Variants in MAN2A1 observed in about 807,000 individuals in gnomAD.
The protein encoded by MAN2A1 is alpha-mannosidase 2.
Under a neutral mutation model 142.6 loss-of-function variants are expected in MAN2A1, and 76 were observed. The ratio of observed to expected loss-of-function variants is 0.53; its 90% CI spans 0.44 to 0.65. The LOEUF (loss-of-function observed/expected upper bound fraction) is 0.65, where lower values mean the gene tolerates loss of function less well. MAN2A1 is among the 30% of genes least tolerant of loss of function. MAN2A1 has a pLI of 0.00. For synonymous variants in MAN2A1, 559 were observed against 473.2 expected (o/e 1.18, Z -2.35); for missense variants, 1,311 against 1,365.1 (o/e 0.96, Z 0.62).
chr5:109,861,373 G>T (rs1363721487), intron 20 of MAN2A1, among the ~76,000 whole-genome samples: 1 of 152,166 alleles, frequency 6.6e-6, no homozygotes, highest in African/African-American at 2.4e-5. Context: ...AAATCTTGAT[G>T]TCACTTTGAC....
At chr5:109,786,780 A>T (rs1456780589) in intron 10 of MAN2A1, among the ~76,000 whole-genome samples, 4 of 152,024 alleles carry the variant, frequency 2.6e-5, no homozygotes. Context: ...CAGAAATATC[A>T]CTGTGAACAA....
chr5:109,701,074 T>C (rs1299632595), intron 1 of MAN2A1, among the ~76,000 whole-genome samples: 3 of 152,222 alleles, frequency 2.0e-5, no homozygotes, highest in African/African-American at 7.2e-5. Flanking sequence ...CAGAGATTTG[T>C]AGCATACCTA....
At chr5:109,748,081 A>AT (rs1752452695) in intron 4 of MAN2A1, among the ~76,000 whole-genome samples, 1 of 152,144 alleles carries the variant, frequency 6.6e-6, no homozygotes, top group Non-Finnish European at 1.5e-5. Flanking sequence ...TTGGTAATAT[A>AT]TTTAGTGTAT....
intron 12 of MAN2A1, among the ~76,000 whole-genome samples, chr5:109,806,443 A>T (rs567358369): frequency 6.6e-6 from 1 of 152,322 alleles, no homozygotes; most frequent in South Asian, 2.1e-4. Flanking sequence ...AGATTACCAT[A>T]ACATCTGAAA....
chr5:109,771,998 G>A (rs1753158831), intron 7 of MAN2A1, among the ~76,000 whole-genome samples: 2 of 152,184 alleles, frequency 1.3e-5, no homozygotes, highest in African/African-American at 4.8e-5. Flanking sequence ...CCCTCAGGAT[G>A]ATACCTTGTG....
chr5:109,753,127 A>G (rs1474848964), intron 4 of MAN2A1, among the ~76,000 whole-genome samples: 1 of 152,092 alleles, frequency 6.6e-6, no homozygotes, highest in Non-Finnish European at 1.5e-5. Context: ...TTTCCAAAAG[A>G]TCTATTTATT....
chr5:109,717,931 C>T (rs375803147), intron 3 of MAN2A1, among the ~76,000 whole-genome samples: 232 of 152,300 alleles, frequency 1.5e-3, no homozygotes, highest in African/African-American at 5.3e-3. Flanking sequence ...ATGAAAAACA[C>T]GTATCTTTGA....
chr5:109,781,427 A>G lies in MAN2A1; in HGVS notation c.1406A>G (p.Asp469Gly), dbSNP rs753702587. ...IQFGTLSDFF[D>G]ALDKADETQR... The stretch of plus-strand genomic sequence containing the variant: ...TTTGGAACTTTATCAGATTTTTTTG[A>G]TGCGCTGGATAAAGCAGATGAAACT... The change falls in exon 9 of 22, where the codon GAT becomes GGT. Residue 469 changes from aspartate to glycine, a missense_variant. By Grantham distance (94) the Asp-to-Gly change is moderately conservative. Around this residue, in one of 3 missense-constraint regions of MAN2A1, gnomAD observed 890 missense variants for 920.5 expected, o/e 0.97. Transcript: ENST00000261483. 4.4e-6 allele frequency: 7 copies of G among 1,604,018 alleles called. No homozygotes were observed. The highest frequency in any genetic ancestry group is 5.1e-6 in the Non-Finnish European group (6 of 1,177,430).
At chr5:109,856,783 G>A (rs1011625020) in intron 20 of MAN2A1, among the ~76,000 whole-genome samples, 9 of 150,892 alleles carry the variant, frequency 6.0e-5, no homozygotes, top group South Asian at 4.2e-4. Flanking sequence ...GCGTGTGTGC[G>A]TGTGTGTGTA....
chr5:109,762,830 A>G (rs748077405), intron 5 of MAN2A1, among the ~76,000 whole-genome samples: 1 of 152,236 alleles, frequency 6.6e-6, no homozygotes, highest in Non-Finnish European at 1.5e-5. Context: ...TGTCAAAAGC[A>G]CAATGTGAAC....
chr5:109,863,872 A>G (rs986853351), intron 20 of MAN2A1: 5 of 152,228 alleles, frequency 3.3e-5, no homozygotes, highest in African/African-American at 1.2e-4. Context: ...AGAATTCCTT[A>G]AATGACTCTT....
At chr5:109,753,929 C>T (rs1752612988) in intron 4 of MAN2A1, among the ~76,000 whole-genome samples, 1 of 148,144 alleles carries the variant, frequency 6.8e-6, no homozygotes, top group Admixed American at 6.8e-5. Context: ...TTTTTTTTGA[C>T]ACAATGTCTC....
rs1754499094 is a variant in MAN2A1, at chr5:109,817,530, T to A, written c.2109+92T>A. 6 of 1,282,246 alleles carry A rather than the reference T, an allele frequency of 4.7e-6. No homozygotes were observed. The South Asian group carries it at 6.9e-5, about 15-fold the overall frequency. The allele number at this position is 1,282,246 out of a possible 1,614,324, so 79.4% of individuals were successfully genotyped here. On this transcript the variant is annotated intron_variant, in intron 13 of 21. Coordinates refer to ENST00000261483, the MANE Select transcript of MAN2A1 (RefSeq NM_002372.4). ...ATGTACAGTAGCCCCCATTTAGCCATCATGTTGGTGTATGTGAGGTGATGA... is the reference window on the plus strand; with the variant it reads ...ATGTACAGTAGCCCCCATTTAGCCAACATGTTGGTGTATGTGAGGTGATGA...
chr5:109,833,669 G>A (rs1264342782), intron 16 of MAN2A1, among the ~76,000 whole-genome samples: 2 of 149,232 alleles, frequency 1.3e-5, no homozygotes, highest in African/African-American at 5.0e-5. Context: ...GGAGAGAGAG[G>A]GAGAGGGAGA....
intron 16 of MAN2A1, among the ~76,000 whole-genome samples, chr5:109,837,291 A>T (rs1020869231): frequency 3.3e-5 from 5 of 151,832 alleles, no homozygotes; most frequent in Non-Finnish European, 7.4e-5. Context: ...GTTGTTTTAA[A>T]GAGTTTTTGG....
chr5:109,829,943 C>T (rs1042572935), intron 16 of MAN2A1, among the ~76,000 whole-genome samples: 1 of 152,128 alleles, frequency 6.6e-6, no homozygotes, highest in Non-Finnish European at 1.5e-5. Flanking sequence ...TTTCTTGGAC[C>T]ATTGTCTCCA....
In MAN2A1 at chr5:109,713,619, T is replaced by C; in HGVS notation, c.235T>C (p.Leu79=). 6.2e-7 allele frequency: 1 copy of C among 1,614,118 alleles called. No homozygotes were observed. Among genetic ancestry groups the C allele is most frequent in the Non-Finnish European group, 8.5e-7 (1 of 1,179,940 alleles). Reference sequence around the variant, plus strand: ...AAATATTAGAGACTCAGTCATCAATTTGAGTGAGTCTGTGGAGGATGGTCC... The same window carrying C: ...AAATATTAGAGACTCAGTCATCAATCTGAGTGAGTCTGTGGAGGATGGTCC... ...ISNIRDSVIN[L]SESVEDGPKS... is the part of the protein sequence containing the mutation. Residue 79 remains leucine (L), a synonymous_variant, in exon 2 of 22, where the codon TTG becomes CTG. Coordinates refer to ENST00000261483, the MANE Select transcript of MAN2A1 (RefSeq NM_002372.4).
intron 19 of MAN2A1, among the ~76,000 whole-genome samples, chr5:109,850,730 T>C (rs1755462230): frequency 6.6e-6 from 1 of 152,232 alleles, no homozygotes. Context: ...CTATAAAGCT[T>C]TGACTTAGAA....
chr5:109,824,787 C>A (rs1376950151), intron 16 of MAN2A1, among the ~76,000 whole-genome samples: 1 of 152,146 alleles, frequency 6.6e-6, no homozygotes, highest in African/African-American at 2.4e-5. Flanking sequence ...TCTCTTAAAT[C>A]ACAGAAGTTC....
Sources: allele counts gnomAD v4.1 joint callset (sites outside exome capture counted in the v4.1 genomes callset), GRCh38; gene constraint gnomAD v4.1.1; regional missense constraint gnomAD v4.1.1; transcripts MANE v1.5; gene names NCBI Gene and HGNC (gene_info 2026-07-23, HGNC 2026-07-21).